The following COMMD10 variants were observed in gnomAD, a reference collection of about 807,000 sequenced individuals.
COMMD10 encodes COMM domain containing 10, also known as COMM domain-containing protein 10.
In COMMD10, 33 loss-of-function variants were observed where a neutral mutation model predicts 28.9. The ratio of observed to expected loss-of-function variants is 1.14; its 90% CI spans 0.87 to 1.53. The LOEUF (loss-of-function observed/expected upper bound fraction) is 1.53. Ranked by LOEUF, COMMD10 falls within the 40% of genes most tolerant of loss-of-function variation. The pLI, the probability that COMMD10 is intolerant of heterozygous loss-of-function variation, is 0.00. For missense variants in COMMD10, 310 were observed against 233.4 expected (o/e 1.33, Z -2.14); for synonymous variants, 110 against 81.7 (o/e 1.35, Z -1.87).
rs79221069 is a variant in COMMD10, at chr5:116,172,450, T to C, written c.510+38272T>C. Among the ~76,000 whole-genome samples the C allele has an allele frequency of 1.5e-3, 229 of 152,294 alleles. 2 individuals are homozygous for C. In the East Asian group the frequency reaches 0.031, roughly 20 times the overall value. The stretch of plus-strand genomic sequence containing the variant: ...TAAATGTGCTACCCTGAATTACAAG[T>C]TACCTTTGGCTTTTTGATTCTACAA... On this transcript the variant is annotated intron_variant, in intron 5 of 6. Coordinates refer to ENST00000274458, the MANE Select transcript of COMMD10 (RefSeq NM_016144.4).
chr5:116,274,068 A>C (rs955288373), intron 5 of COMMD10, among the ~76,000 whole-genome samples: 1 of 151,688 alleles, frequency 6.6e-6, no homozygotes, highest in African/African-American at 2.4e-5. Context: ...ACTGTCACCA[A>C]CCTTTCCTAT....
intron 5 of COMMD10, among the ~76,000 whole-genome samples, chr5:116,180,430 A>T (rs1483966578): frequency 2.6e-5 from 4 of 152,094 alleles, no homozygotes; most frequent in African/African-American, 9.7e-5. Context: ...GGAGTACAAG[A>T]GAAGTGGGTA....
intron 5 of COMMD10, among the ~76,000 whole-genome samples, chr5:116,256,371 A>G (rs1197251043): frequency 6.6e-6 from 1 of 151,734 alleles, no homozygotes; most frequent in Non-Finnish European, 1.5e-5. Flanking sequence ...TGACATGATT[A>G]TAGTGAAGTA....
intron 4 of COMMD10, among the ~76,000 whole-genome samples, chr5:116,130,266 T>G (rs980550946): frequency 2.0e-5 from 3 of 151,956 alleles, no homozygotes; most frequent in African/African-American, 4.8e-5. Context: ...GGCAAAATCC[T>G]TTGTTCTCAA....
intron 4 of COMMD10, among the ~76,000 whole-genome samples, chr5:116,103,956 T>G (rs61247925): frequency 0.054 from 8,184 of 152,212 alleles, 312 homozygotes; most frequent in African/African-American, 0.11. Context: ...GTCAGATGGT[T>G]GTAGATGTGT....
At chr5:116,128,050 G>T (rs186955881) in intron 4 of COMMD10, among the ~76,000 whole-genome samples, 389 of 152,154 alleles carry the variant, frequency 2.6e-3, no homozygotes, top group Non-Finnish European at 4.4e-3. Context: ...TATTCTTGCT[G>T]TGGGACATAG....
At chr5:116,128,544 A>T (rs1461426912) in intron 4 of COMMD10, among the ~76,000 whole-genome samples, 2 of 151,842 alleles carry the variant, frequency 1.3e-5, no homozygotes, top group African/African-American at 4.8e-5. Context: ...CTTAAGGCAA[A>T]ACTCTATACT....
Position 116,258,048 on chromosome 5 carries a change from TC to T in COMMD10, c.511-33467del, listed in dbSNP as rs533219687. Among the ~76,000 whole-genome samples the T allele has an allele frequency of 3.6e-4, 55 of 151,732 alleles. 1 individual carries two copies. The highest frequency in any genetic ancestry group is 3.4e-3 in the Admixed American group (52 of 15,244). ...GAATGGTATAATGGTGAATGATGTTTCCATATCAATACAGATCTACAAATAT... is the reference window on the plus strand; with the variant it reads ...GAATGGTATAATGGTGAATGATGTTTCATATCAATACAGATCTACAAATAT... On this transcript the variant is annotated intron_variant, in intron 5 of 6. Coordinates refer to ENST00000274458, the MANE Select transcript of COMMD10 (RefSeq NM_016144.4).
intron 5 of COMMD10, among the ~76,000 whole-genome samples, chr5:116,251,043 G>A (rs1050062920): frequency 6.6e-6 from 1 of 151,968 alleles, no homozygotes; most frequent in East Asian, 1.9e-4. Flanking sequence ...AAGCTTGCCC[G>A]TATCCAAAGC....
At chr5:116,235,050 A>G (rs553092616) in intron 5 of COMMD10, among the ~76,000 whole-genome samples, 1 of 152,320 alleles carries the variant, frequency 6.6e-6, no homozygotes, top group Middle Eastern at 3.4e-3. Flanking sequence ...GGACATAAAA[A>G]TCAATCATTT....
chr5:116,236,553 A>G (rs766350091), intron 5 of COMMD10, among the ~76,000 whole-genome samples: 8 of 151,678 alleles, frequency 5.3e-5, no homozygotes, highest in Non-Finnish European at 8.8e-5. Context: ...GTGAAAGGAC[A>G]TGGAGACCCC....
rs76984397 is a variant in COMMD10 at position 116,137,722 on chromosome 5, C to A, written c.510+3544C>A. On this transcript the variant is annotated intron_variant, in intron 5 of 6. Transcript: ENST00000274458. Reference sequence around the variant, plus strand: ...GCAGCCTGCAGTGAAGTTTTAATTGCTATCACACTGGATAACACTGTTTGA... The same window carrying A: ...GCAGCCTGCAGTGAAGTTTTAATTGATATCACACTGGATAACACTGTTTGA... 8.3e-3 allele frequency among the ~76,000 whole-genome samples: 1,261 copies of A among 152,094 alleles called. 13 individuals carry two copies. Among genetic ancestry groups the A allele is most frequent in the Admixed American group, 0.016 (245 of 15,250 alleles).
chr5:116,266,626 A>G (rs13159814), intron 5 of COMMD10, among the ~76,000 whole-genome samples: 1 of 151,584 alleles, frequency 6.6e-6, no homozygotes, highest in Non-Finnish European at 1.5e-5. Context: ...AGTTGCACTC[A>G]GAATAAAAAT....
intron 5 of COMMD10, among the ~76,000 whole-genome samples, chr5:116,171,169 A>G (rs1753318021): frequency 1.3e-5 from 2 of 152,210 alleles, no homozygotes; most frequent in African/African-American, 4.8e-5. Context: ...TGGGCAAAGG[A>G]TAGGAACAGA....
At chr5:116,144,031 G>A (rs956738956) in intron 5 of COMMD10, among the ~76,000 whole-genome samples, 1 of 151,816 alleles carries the variant, frequency 6.6e-6, no homozygotes, top group Non-Finnish European at 1.5e-5. Context: ...AAGACGACAG[G>A]TTTATTTTTT....
intron 5 of COMMD10, among the ~76,000 whole-genome samples, chr5:116,268,671 A>G (rs1355647744): frequency 6.6e-6 from 1 of 151,870 alleles, no homozygotes; most frequent in Non-Finnish European, 1.5e-5. Context: ...GGCACTATTC[A>G]CAATAGCAAA....
At chr5:116,169,297 G>C (rs1297273636) in intron 5 of COMMD10, among the ~76,000 whole-genome samples, 1 of 152,092 alleles carries the variant, frequency 6.6e-6, no homozygotes, top group East Asian at 1.9e-4. Context: ...ACTAAACCAG[G>C]AATAAGATGA....
intron 5 of COMMD10, among the ~76,000 whole-genome samples, chr5:116,156,700 C>A (rs28707263): frequency 2.6e-5 from 4 of 152,068 alleles, no homozygotes; most frequent in African/African-American, 9.7e-5. Flanking sequence ...AATTCCATAA[C>A]CCCCTCAAGT....
chr5:116,094,695 G>A (rs1580439270), intron 4 of COMMD10, among the ~76,000 whole-genome samples: 2 of 152,040 alleles, frequency 1.3e-5, no homozygotes, highest in South Asian at 4.1e-4. Context: ...AAAGGAAATC[G>A]GTATATTAAA....
Sources: gnomAD v4.1 joint callset for allele counts (sites outside exome capture counted in the v4.1 genomes callset) on GRCh38, gnomAD v4.1.1 for gene constraint, MANE v1.5 for transcripts, NCBI Gene and HGNC (gene_info 2026-07-23, HGNC 2026-07-21) for gene names.